The following FAM219A variants were observed in gnomAD, a reference collection of about 807,000 sequenced individuals.
FAM219A encodes the protein family with sequence similarity 219 member A, also known as protein FAM219A.
Under a neutral mutation model 23.4 loss-of-function variants are expected in FAM219A, and 7 were observed. The observed-to-expected ratio is 0.30, with a 90% CI of 0.17 to 0.56. The LOEUF (loss-of-function observed/expected upper bound fraction) is 0.56. Ranked by LOEUF, FAM219A falls within the 20% of genes least tolerant of loss-of-function variation. FAM219A has a pLI of 0.92. For missense variants in FAM219A, 166 were observed against 246.9 expected (o/e 0.67, Z 2.20); for synonymous variants, 93 against 99.0 (o/e 0.94, Z 0.36).
chr9:34,428,096 C>T (rs1447410031), intron 1 of FAM219A, among the ~76,000 whole-genome samples: 1 of 152,218 alleles, frequency 6.6e-6, no homozygotes, highest in African/African-American at 2.4e-5. Context: ...GAATGGGAAA[C>T]CAGCTTGGAA....
intron 1 of FAM219A, among the ~76,000 whole-genome samples, chr9:34,452,529 C>T (rs1823595585): frequency 6.6e-6 from 1 of 152,114 alleles, no homozygotes. Context: ...TGTATCTGTC[C>T]CATCGTGTTT....
rs945328249 is a variant in FAM219A at position 34,458,264 on chromosome 9, G to C, written c.-1C>G. The C allele has an allele frequency of 3.2e-6, 5 of 1,551,268 alleles. No individual in the cohort carries two copies. The highest frequency in any genetic ancestry group is 4.3e-6 in the Non-Finnish European group (5 of 1,153,420). ...GGAACCGGTCGATCTCCTCCATCAT[G>C]GTGCCGGCGGGCGAGCGGGCCAGGG... On this transcript the variant is annotated 5_prime_UTR_variant, in exon 1 of 6. Transcript: ENST00000651358. The surrounding 1 kb of genome is among the most constrained non-coding windows in gnomAD (Gnocchi z 6.6).
At chr9:34,424,123 A>C (rs1822374139) in intron 1 of FAM219A, among the ~76,000 whole-genome samples, 1 of 152,128 alleles carries the variant, frequency 6.6e-6, no homozygotes, top group Non-Finnish European at 1.5e-5. Flanking sequence ...GGAAAGGCAG[A>C]GTTTTGAGAA....
At chr9:34,427,973 C>A (rs915292615) in intron 1 of FAM219A, among the ~76,000 whole-genome samples, 12 of 152,156 alleles carry the variant, frequency 7.9e-5, no homozygotes, top group African/African-American at 2.9e-4. Context: ...ACAAACTGAG[C>A]AGATAGATGC....
Position 34,458,268 on chromosome 9 carries a change from C to T in FAM219A, c.-5G>A, listed in dbSNP as rs1445616594. ...CCGGTCGATCTCCTCCATCATGGTGCCGGCGGGCGAGCGGGCCAGGGGCCG... is the reference window on the plus strand; with the variant it reads ...CCGGTCGATCTCCTCCATCATGGTGTCGGCGGGCGAGCGGGCCAGGGGCCG... On this transcript the variant is annotated 5_prime_UTR_variant, in exon 1 of 6. Transcript: ENST00000651358. The surrounding 1 kb of genome is among the most constrained non-coding windows in gnomAD (Gnocchi z 6.6). 2 of 1,546,688 alleles carry T rather than the reference C, an allele frequency of 1.3e-6. No individual in the cohort carries two copies. The highest frequency in any genetic ancestry group is 1.4e-5 in the African/African-American group (1 of 71,126).
chr9:34,418,199 G>A (rs1400766656), intron 1 of FAM219A, among the ~76,000 whole-genome samples: 4 of 148,494 alleles, frequency 2.7e-5, no homozygotes, highest in African/African-American at 1.0e-4. Context: ...TAGTGAGATG[G>A]TAAAAAAAAA....
intron 1 of FAM219A, among the ~76,000 whole-genome samples, chr9:34,448,996 A>AAT (rs1823467176): frequency 7.0e-6 from 1 of 143,064 alleles, no homozygotes. Context: ...AACTATCGGA[A>AAT]AAAAAAAAAA....
At chr9:34,433,940 T>C (rs1045929900) in intron 1 of FAM219A, among the ~76,000 whole-genome samples, 5 of 151,942 alleles carry the variant, frequency 3.3e-5, no homozygotes, top group Admixed American at 1.3e-4. Flanking sequence ...CGGTGGCTCA[T>C]GCCTGTAATC....
At chr9:34,455,925 G>C (rs1427319115) in intron 1 of FAM219A, among the ~76,000 whole-genome samples, 1 of 152,216 alleles carries the variant, frequency 6.6e-6, no homozygotes, top group Non-Finnish European at 1.5e-5. Flanking sequence ...GGGCATAGCA[G>C]CTCACTCTTG....
chr9:34,452,331 TTC>T (rs1469006328), intron 1 of FAM219A, among the ~76,000 whole-genome samples: 3 of 152,184 alleles, frequency 2.0e-5, no homozygotes, highest in African/African-American at 7.2e-5. Flanking sequence ...AACAGCAGCC[TTC>T]TCTGTTATAA....
chr9:34,401,561 C>G, intron 5 of FAM219A, 105 bp downstream of exon 5: 2 of 1,360,114 alleles, frequency 1.5e-6, no homozygotes, highest in Non-Finnish European at 2.0e-6. Flanking sequence ...CCCAGCCTTG[C>G]CCAGCCCTCT....
chr9:34,418,854 G>A (rs1361387960), intron 1 of FAM219A, among the ~76,000 whole-genome samples: 1 of 152,148 alleles, frequency 6.6e-6, no homozygotes, highest in African/African-American at 2.4e-5. Flanking sequence ...TGGATCACTT[G>A]AGGCCAGGAG....
chr9:34,444,426 TC>T (rs1398678034), intron 1 of FAM219A, among the ~76,000 whole-genome samples: 2 of 152,184 alleles, frequency 1.3e-5, no homozygotes, highest in East Asian at 3.8e-4. Context: ...GTTGGAAGAC[TC>T]AGGTAGGAGC....
At chr9:34,425,502 A>G (rs1280844378) in intron 1 of FAM219A, among the ~76,000 whole-genome samples, 1 of 152,360 alleles carries the variant, frequency 6.6e-6, no homozygotes, top group South Asian at 2.1e-4. Context: ...TAAAATAAAC[A>G]AATGAATAAA....
chr9:34,448,279 C>T (rs1354772365), intron 1 of FAM219A, among the ~76,000 whole-genome samples: 2 of 152,178 alleles, frequency 1.3e-5, no homozygotes, highest in African/African-American at 4.8e-5. Flanking sequence ...GTGTTCTTTG[C>T]CCAAGATAAC....
intron 1 of FAM219A, among the ~76,000 whole-genome samples, chr9:34,432,222 C>G (rs1170474016): frequency 6.6e-6 from 1 of 152,184 alleles, no homozygotes; most frequent in Non-Finnish European, 1.5e-5. Flanking sequence ...CCATTCTTCT[C>G]CAGGGGCTCC....
intron 4 of FAM219A, chr9:34,402,145 G>T: frequency 6.9e-7 from 1 of 1,449,430 alleles, no homozygotes; most frequent in South Asian, 1.4e-5. Context: ...GACAACCATT[G>T]GATCAGTTGT....
chr9:34,407,674 A>G (rs1324734602), intron 1 of FAM219A, among the ~76,000 whole-genome samples: 1 of 152,218 alleles, frequency 6.6e-6, no homozygotes, highest in East Asian at 1.9e-4. Context: ...CAGTCTGCAT[A>G]TTAACCTCTT....
At chr9:34,447,620 C>A (rs1258472467) in intron 1 of FAM219A, among the ~76,000 whole-genome samples, 1 of 152,158 alleles carries the variant, frequency 6.6e-6, no homozygotes, top group Non-Finnish European at 1.5e-5. Flanking sequence ...GCTTATGGGT[C>A]TCTTCTTGTA....
Sources: allele counts gnomAD v4.1 joint callset (sites outside exome capture counted in the v4.1 genomes callset), GRCh38; gene constraint gnomAD v4.1.1; non-coding constraint Gnocchi (gnomAD v3.1); transcripts MANE v1.5; gene names NCBI Gene and HGNC (gene_info 2026-07-23, HGNC 2026-07-21).